The following USP30 variants were observed in gnomAD, a reference collection of about 807,000 sequenced individuals.
USP30 encodes the protein ubiquitin carboxyl-terminal hydrolase 30.
A neutral mutation model predicts 68.2 loss-of-function variants in USP30; 41 were observed. That is an observed-to-expected ratio of 0.60 (90% CI 0.47 to 0.78). The LOEUF (loss-of-function observed/expected upper bound fraction) is 0.78, where lower values mean the gene tolerates loss of function less well. USP30 is among the 30% of genes least tolerant of loss of function. USP30 has a pLI of 0.00. For synonymous variants in USP30, 229 were observed against 253.7 expected (o/e 0.90, Z 0.93); for missense variants, 522 against 649.4 (o/e 0.80, Z 2.13).
intron 4 of USP30, among the ~76,000 whole-genome samples, chr12:109,068,365 C>G (rs1302603312): frequency 6.6e-6 from 1 of 152,190 alleles, no homozygotes; most frequent in Non-Finnish European, 1.5e-5. Context: ...CCTCCCAAAA[C>G]TGTGGGGCCG....
chr12:109,082,203 T>A (rs912249591), intron 9 of USP30, among the ~76,000 whole-genome samples, 184 bp downstream of exon 9: 1 of 152,234 alleles, frequency 6.6e-6, no homozygotes, highest in African/African-American at 2.4e-5. Flanking sequence ...CAGATGAGTT[T>A]TGTTTCATGC....
rs1409801444 is a variant in USP30, at chr12:109,070,568, T to C, written c.481-1044T>C. Among the ~76,000 whole-genome samples the C allele has an allele frequency of 2.6e-5, 4 of 152,120 alleles. No homozygotes were observed. The highest frequency in any genetic ancestry group is 7.2e-5 in the African/African-American group (3 of 41,420). On this transcript the variant is annotated intron_variant, in intron 4 of 12. Transcript: ENST00000257548. The surrounding 1 kb of genome is among the most constrained non-coding windows in gnomAD (Gnocchi z 4.0). ...GGTTTTACTCTAGTAGTGGAAGCCA[T>C]TGGAAAGCTAAAAGCAGAAGAGTAA... is the stretch of plus-strand genomic sequence containing the variant.
chr12:109,063,502 T>G (rs1467687596), intron 3 of USP30, among the ~76,000 whole-genome samples: 1 of 152,248 alleles, frequency 6.6e-6, no homozygotes, highest in Non-Finnish European at 1.5e-5. Flanking sequence ...CTATCATGAA[T>G]AATGTTGCTG....
Position 109,082,899 on chromosome 12 carries a change from G to A in USP30, c.1005G>A (p.Thr335=), listed in dbSNP as rs376325707. The change falls in exon 11 of 13, where the codon ACG becomes ACA. Residue 335 remains threonine (T), a synonymous_variant. Coordinates refer to ENST00000257548, the MANE Select transcript of USP30 (RefSeq NM_032663.5). ...LQRLSWSSHG[T]PLKRHEHVQF... is the part of the protein sequence containing the mutation. ...GGCTGAGCTGGTCCAGCCACGGCACGCCTCTGAAGCGGCATGAGCACGTGC... is the reference window on the plus strand; with the variant it reads ...GGCTGAGCTGGTCCAGCCACGGCACACCTCTGAAGCGGCATGAGCACGTGC... 109 of 1,614,108 alleles carry A rather than the reference G, an allele frequency of 6.8e-5. No homozygotes were observed. In the Admixed American group the frequency reaches 1.2e-3, roughly 18 times the overall value.
chr12:109,055,600 G>T (rs543295979), intron 1 of USP30, among the ~76,000 whole-genome samples: 1 of 146,638 alleles, frequency 6.8e-6, no homozygotes, highest in Non-Finnish European at 1.5e-5. Context: ...GGGTTTCACC[G>T]TGTTGGCCAG....
At chr12:109,029,072 G>A (rs1205329522) in intron 3 of USP30, among the ~76,000 whole-genome samples, 1 of 152,184 alleles carries the variant, frequency 6.6e-6, no homozygotes, top group Non-Finnish European at 1.5e-5. Context: ...TATGAATCAT[G>A]TCAAGTTTCC....
At chr12:109,024,624 A>G (rs748484336) in intron 1 of USP30, among the ~76,000 whole-genome samples, 19 of 144,406 alleles carry the variant, frequency 1.3e-4, no homozygotes, top group Non-Finnish European at 2.4e-4. Context: ...GTAAAGCAGC[A>G]TTTTTTTTTT....
Position 109,085,014 on chromosome 12 carries a change from T to C in USP30, c.1230T>C (p.Ser410=). 6 of 1,607,312 alleles carry C rather than the reference T, an allele frequency of 3.7e-6. No homozygotes were observed. Among genetic ancestry groups the C allele is most frequent in the African/African-American group, 1.3e-5 (1 of 74,866 alleles). Residue 410 remains serine, a synonymous_variant, in exon 12 of 13, where the codon TCT becomes TCC. Coordinates refer to ENST00000257548, the MANE Select transcript of USP30 (RefSeq NM_032663.5). ...QIFMNGACSP[S]LLPTLSAPMP... ...TTATGAATGGCGCCTGCTCCCCATC[T>C]TTATTGCCAACGCTGTCAGCGCCGA... is the stretch of plus-strand genomic sequence containing the variant.
At chr12:109,081,610 C>T (rs559389118) in intron 8 of USP30, 124 of 585,298 alleles carry the variant, frequency 2.1e-4, no homozygotes, top group Middle Eastern at 8.9e-4. Context: ...TGAATACACA[C>T]GCACGCATGC....
intron 11 of USP30, among the ~76,000 whole-genome samples, chr12:109,084,509 T>C (rs1442880293): frequency 6.6e-6 from 1 of 152,196 alleles, no homozygotes; most frequent in Non-Finnish European, 1.5e-5. Context: ...GGAGGGGTGC[T>C]ACTGGTGTCT....
chr12:109,071,532 G>T, intron 4 of USP30, 80 bp from the exon 5 acceptor site: 1 of 1,152,470 alleles, frequency 8.7e-7, no homozygotes, highest in South Asian at 1.3e-5. Context: ...TTCACTGTAG[G>T]GTGTCTGCCC....
chr12:109,055,379 C>CATAT lies in USP30; in HGVS notation c.84-1284_84-1281dup, dbSNP rs71443831. 8.5e-4 allele frequency among the ~76,000 whole-genome samples: 50 copies of CATAT among 58,920 alleles called. 1 individual carries two copies. Among genetic ancestry groups the CATAT allele is most frequent in the South Asian group, 2.6e-3 (4 of 1,510 alleles). 38.7% of individuals were successfully genotyped at this position (58,920 alleles called of 152,430 possible). A position where few individuals can be genotyped will look rare whatever the true frequency, so the allele number is the denominator to read the frequency against. On this transcript the variant is annotated intron_variant, in intron 1 of 12. Transcript: ENST00000257548. The stretch of plus-strand genomic sequence containing the variant: ...ATATATACACACACACATATATATA[C>CATAT]ATATATATATATATATATATATTTT...
chr12:109,059,577 G>A (rs997455653), intron 3 of USP30, among the ~76,000 whole-genome samples: 1 of 151,764 alleles, frequency 6.6e-6, no homozygotes, highest in Non-Finnish European at 1.5e-5. Context: ...GCAGTAGCAC[G>A]ATCTCAGCTC....
chr12:109,061,390 G>C (rs1480005108), intron 3 of USP30, among the ~76,000 whole-genome samples: 36 of 125,310 alleles, frequency 2.9e-4, no homozygotes, highest in African/African-American at 1.0e-3. Flanking sequence ...TCTAACTTTG[G>C]TTTAAAAAAA....
chr12:109,075,673 G>A (rs1189981547), intron 7 of USP30, among the ~76,000 whole-genome samples: 1 of 152,094 alleles, frequency 6.6e-6, no homozygotes, highest in African/African-American at 2.4e-5. Flanking sequence ...TTTGGTAATA[G>A]CCATCCTAAC....
intron 2 of USP30, among the ~76,000 whole-genome samples, chr12:109,057,494 A>G (rs1415230109): frequency 6.6e-6 from 1 of 152,246 alleles, no homozygotes; most frequent in Non-Finnish European, 1.5e-5. Flanking sequence ...GATTGTTAAG[A>G]TAAGAACAGA....
At chr12:109,075,798 T>C (rs1050021163) in intron 7 of USP30, among the ~76,000 whole-genome samples, 2 of 152,016 alleles carry the variant, frequency 1.3e-5, no homozygotes, top group Admixed American at 1.3e-4. Flanking sequence ...TTGCAAAGTG[T>C]CTGTTCAGCT....
chr12:109,083,267 T>C (rs1275402743), intron 11 of USP30, among the ~76,000 whole-genome samples: 2 of 152,210 alleles, frequency 1.3e-5, no homozygotes, highest in African/African-American at 4.8e-5. Flanking sequence ...ATGTATCGTT[T>C]TTGAAACCAT....
intron 3 of USP30, among the ~76,000 whole-genome samples, chr12:109,044,576 G>T (rs190345696): frequency 5.5e-4 from 83 of 152,264 alleles, no homozygotes; most frequent in Admixed American, 1.8e-3. Flanking sequence ...GTTCAAGGCT[G>T]CAGTGAGCTG....
Sources: allele counts gnomAD v4.1 joint callset (sites outside exome capture counted in the v4.1 genomes callset), GRCh38; gene constraint gnomAD v4.1.1; non-coding constraint Gnocchi (gnomAD v3.1); transcripts MANE v1.5; gene names NCBI Gene and HGNC (gene_info 2026-07-23, HGNC 2026-07-21).